Variants in AK7 observed in about 807,000 individuals in gnomAD.
The protein encoded by AK7 is ATP-AMP transphosphorylase 7.
A neutral mutation model predicts 96.6 loss-of-function variants in AK7; 78 were observed. That is an observed-to-expected ratio of 0.81 (90% CI 0.67 to 0.97). The LOEUF is 0.97. Ranked by LOEUF, AK7 falls within the 50% of genes least tolerant of loss-of-function variation. The probability of loss-of-function intolerance (pLI) is 0.00; values close to 1 mark genes in which losing one functional copy is unlikely to be tolerated. For missense variants in AK7, 855 were observed against 887.9 expected (o/e 0.96, Z 0.47); for synonymous variants, 302 against 317.2 (o/e 0.95, Z 0.51).
intron 5 of AK7, among the ~76,000 whole-genome samples, chr14:96,425,479 G>GCTT (rs1595397260): frequency 1.6e-5 from 1 of 63,300 alleles, no homozygotes; most frequent in Non-Finnish European, 3.0e-5. Flanking sequence ...GAGTCACACT[G>GCTT]ATTTTTTTTT....
chr14:96,397,891 A>G (rs1369467688), intron 1 of AK7, among the ~76,000 whole-genome samples, 184 bp from the exon 2 acceptor site: 1 of 152,220 alleles, frequency 6.6e-6, no homozygotes, highest in Non-Finnish European at 1.5e-5. Context: ...ATGGGGAATT[A>G]TAACAGTACC....
At chr14:96,487,978 T>A in intron 17 of AK7, 1 of 401,844 alleles carries the variant, frequency 2.5e-6, no homozygotes, top group Non-Finnish European at 4.9e-6. Context: ...AATGGCACAA[T>A]CTCGGCTTAC....
intron 2 of AK7, chr14:96,398,569 C>T (rs1456145299): frequency 8.5e-6 from 3 of 351,298 alleles, no homozygotes; most frequent in Middle Eastern, 8.9e-4. Context: ...GAGTCTGTGC[C>T]ATGATGGGTG....
At chr14:96,469,749 C>A (rs532321983) in intron 12 of AK7, among the ~76,000 whole-genome samples, 9 of 152,222 alleles carry the variant, frequency 5.9e-5, no homozygotes, top group Non-Finnish European at 1.2e-4. Context: ...ATTTTCGGAA[C>A]CTGCTACTGC....
chr14:96,429,779 A>G (rs1260651608), intron 5 of AK7, among the ~76,000 whole-genome samples: 1 of 152,178 alleles, frequency 6.6e-6, no homozygotes, highest in African/African-American at 2.4e-5. Context: ...TTATTGGTGT[A>G]TAGGAATGCT....
intron 7 of AK7, among the ~76,000 whole-genome samples, chr14:96,446,135 C>T (rs995939762): frequency 2.6e-5 from 4 of 152,102 alleles, no homozygotes; most frequent in Admixed American, 1.3e-4. Context: ...GAGGCTCACA[C>T]GAGCCCCTAG....
At chr14:96,470,081 G>A (rs1894801918) in intron 12 of AK7, among the ~76,000 whole-genome samples, 1 of 152,060 alleles carries the variant, frequency 6.6e-6, no homozygotes, top group Admixed American at 6.6e-5. Flanking sequence ...GCCTCCCAAA[G>A]TGCTGAGATT....
At chr14:96,419,573 G>T (rs772903991) in intron 4 of AK7, among the ~76,000 whole-genome samples, 59 of 152,224 alleles carry the variant, frequency 3.9e-4, no homozygotes, top group Admixed American at 7.2e-4. Context: ...TTTCAAGGCT[G>T]CAGTAAGCTA....
intron 1 of AK7, among the ~76,000 whole-genome samples, 160 bp from the exon 2 acceptor site, chr14:96,397,915 A>C (rs1375786167): frequency 6.6e-6 from 1 of 152,200 alleles, no homozygotes; most frequent in Non-Finnish European, 1.5e-5. Flanking sequence ...TCCTCCAGGA[A>C]TGCAATCAAC....
intron 4 of AK7, among the ~76,000 whole-genome samples, chr14:96,413,286 C>T (rs1415827315): frequency 6.6e-6 from 1 of 152,206 alleles, no homozygotes; most frequent in Non-Finnish European, 1.5e-5. Flanking sequence ...TCCCACCTGC[C>T]CCTCCAGAGC....
Position 96,437,906 on chromosome 14 carries a change from A to T in AK7, c.681A>T (p.Thr227=), listed in dbSNP as rs147444886. 156 of 1,613,546 alleles carry T rather than the reference A, an allele frequency of 9.7e-5. No homozygotes were observed. In the African/African-American group the frequency reaches 1.8e-3, roughly 19 times the overall value. ...GAGCGGAAGGAGGCATGTTACACAC[A>T]TTTTTTAAGGTATGGCTTTCAATGA... The part of the protein sequence containing the change: ...QYGAEGGMLH[T]FFKMAWLGEI... The change falls in exon 6 of 18, where the codon ACA becomes ACT. Residue 227 remains threonine (T), a synonymous_variant. Coordinates refer to ENST00000267584, the MANE Select transcript of AK7 (RefSeq NM_152327.5).
intron 8 of AK7, among the ~76,000 whole-genome samples, chr14:96,448,626 T>C (rs1339339038): frequency 6.5e-5 from 6 of 91,694 alleles, no homozygotes; most frequent in Non-Finnish European, 8.3e-5. Flanking sequence ...CAAGACCCTA[T>C]CTCTAAAAAA....
rs539396269 is a variant in AK7, at chr14:96,454,059, G to A, written c.1099-2288G>A. 5.9e-5 allele frequency among the ~76,000 whole-genome samples: 9 copies of A among 152,034 alleles called. No homozygotes were observed. In the East Asian group the frequency reaches 7.7e-4, roughly 13 times the overall value. On this transcript the variant is annotated intron_variant, in intron 10 of 17. Coordinates refer to ENST00000267584, the MANE Select transcript of AK7 (RefSeq NM_152327.5). ...CTCCCTATCCGATGGGACCACACGC[G>A]CCAGAGCCATCCATCATCCCTATCC...
At chr14:96,393,630 C>T (rs1174067550) in intron 1 of AK7, among the ~76,000 whole-genome samples, 1 of 152,192 alleles carries the variant, frequency 6.6e-6, no homozygotes, top group Non-Finnish European at 1.5e-5. Flanking sequence ...TGTGTCAAAA[C>T]TTCCCTCTTC....
intron 6 of AK7, among the ~76,000 whole-genome samples, chr14:96,441,661 A>AT (rs1252048742): frequency 1.3e-4 from 19 of 151,406 alleles, no homozygotes; most frequent in Admixed American, 1.2e-3. Context: ...AAAAAAAAAA[A>AT]AGAAAACAAA....
chr14:96,477,730 T>C (rs1449009965), intron 14 of AK7, among the ~76,000 whole-genome samples: 1 of 152,254 alleles, frequency 6.6e-6, no homozygotes, highest in Admixed American at 6.5e-5. Flanking sequence ...TAACATGTTG[T>C]ACGTAAGTGT....
chr14:96,485,447 C>G (rs979804931), intron 16 of AK7, among the ~76,000 whole-genome samples: 8 of 152,168 alleles, frequency 5.3e-5, no homozygotes, highest in African/African-American at 1.9e-4. Context: ...CTTGTGCAAG[C>G]TCCTGTCTGT....
At chr14:96,450,768 C>CTTTT (rs937558741) in intron 9 of AK7, among the ~76,000 whole-genome samples, 38 of 93,170 alleles carry the variant, frequency 4.1e-4, no homozygotes, top group African/African-American at 6.8e-4. Flanking sequence ...ATATTTTTCT[C>CTTTT]TTTTTTTTTT....
chr14:96,454,554 T>C (rs1304573373), intron 10 of AK7, among the ~76,000 whole-genome samples: 2 of 152,066 alleles, frequency 1.3e-5, no homozygotes, highest in Non-Finnish European at 2.9e-5. Context: ...CACGACTCAC[T>C]GCAGCCTAGA....
Sources: allele counts gnomAD v4.1 joint callset (sites outside exome capture counted in the v4.1 genomes callset), GRCh38; gene constraint gnomAD v4.1.1; transcripts MANE v1.5; gene names NCBI Gene and HGNC (gene_info 2026-07-23, HGNC 2026-07-21).